ZDHHC15: variants seen among roughly 807,000 people sequenced by gnomAD.
ZDHHC15 encodes the protein palmitoyltransferase ZDHHC15.
Under a neutral mutation model 31.7 loss-of-function variants are expected in ZDHHC15, and 19 were observed. The observed-to-expected ratio is 0.60, with a 90% CI of 0.42 to 0.88. The LOEUF (loss-of-function observed/expected upper bound fraction) is 0.88. Ranked by LOEUF, ZDHHC15 falls within the 40% of genes least tolerant of loss-of-function variation. ZDHHC15 has a pLI of 0.00. For missense variants in ZDHHC15, 209 were observed against 251.2 expected (o/e 0.83, Z 1.14); for synonymous variants, 103 against 90.0 (o/e 1.14, Z -0.82).
At chrX:75,517,985 A>AC (rs1284485810) in intron 1 of ZDHHC15, among the ~76,000 whole-genome samples, 1 of 110,400 alleles carries the variant, frequency 9.1e-6, no homozygotes, top group Non-Finnish European at 1.9e-5. Flanking sequence ...ACAAAAAAAA[A>AC]CAAAAAACAA....
intron 3 of ZDHHC15, among the ~76,000 whole-genome samples, chrX:75,474,797 C>G (rs1165135031): frequency 9.1e-6 from 1 of 110,334 alleles, no homozygotes; most frequent in Non-Finnish European, 1.9e-5. Flanking sequence ...GTGGCTCATG[C>G]CTGTAATCCC....
chrX:75,459,605 C>T (rs1225659965), intron 3 of ZDHHC15, among the ~76,000 whole-genome samples: 1 of 111,303 alleles, frequency 9.0e-6, no homozygotes, highest in Non-Finnish European at 1.9e-5. Flanking sequence ...CTGGGTGGAG[C>T]CTGTCTGTGG....
chrX:75,439,789 G>A (rs1233863629), intron 4 of ZDHHC15, among the ~76,000 whole-genome samples: 1 of 111,275 alleles, frequency 9.0e-6, no homozygotes, highest in Non-Finnish European at 1.9e-5. Flanking sequence ...TCTCATTTGG[G>A]TAGACTATGT....
chrX:75,431,353 T>C (rs1361590887), intron 5 of ZDHHC15, 98 bp downstream of exon 5: 2 of 794,149 alleles, frequency 2.5e-6, no homozygotes, highest in Non-Finnish European at 3.6e-6. Context: ...GGAAATGCTC[T>C]TATCTAGGTA....
intron 9 of ZDHHC15, among the ~76,000 whole-genome samples, chrX:75,419,253 GA>G (rs1219160423): frequency 3.6e-5 from 4 of 111,049 alleles, no homozygotes; most frequent in Non-Finnish European, 5.7e-5. Context: ...AAATTTACAA[GA>G]AAAAAACAAA....
At chrX:75,433,325 G>C (rs773579594) in intron 4 of ZDHHC15, among the ~76,000 whole-genome samples, 6 of 110,662 alleles carry the variant, frequency 5.4e-5, no homozygotes, top group African/African-American at 1.6e-4. Context: ...GGTGGTGTTT[G>C]GTTACATGGA....
intron 10 of ZDHHC15, among the ~76,000 whole-genome samples, chrX:75,393,708 C>T (rs1000103890): frequency 1.8e-5 from 2 of 111,671 alleles, no homozygotes; most frequent in Non-Finnish European, 3.8e-5. Context: ...TCTTCTAGAA[C>T]CACTGCTGGT....
At chrX:75,493,742 C>T (rs1192563659) in intron 2 of ZDHHC15, among the ~76,000 whole-genome samples, 2 of 112,044 alleles carry the variant, frequency 1.8e-5, no homozygotes, top group African/African-American at 3.2e-5. Flanking sequence ...GCCCTTCATG[C>T]TAAAAACTCT....
Position 75,521,738 on chromosome X carries a change from G to C in ZDHHC15, c.136+1151C>G, listed in dbSNP as rs146183253. On this transcript the variant is annotated intron_variant, in intron 1 of 11. Transcript: ENST00000373367. ...TAGAAACCCCAGTAAGAAAGAATGG[G>C]GTTTCCCCAGTTTGAGAAGATGGGA... 2.9e-3 allele frequency among the ~76,000 whole-genome samples: 326 copies of C among 110,935 alleles called. 1 individual carries two copies. The highest frequency in any genetic ancestry group is 9.8e-3 in the African/African-American group (298 of 30,484).
rs187075777 is a variant in ZDHHC15 at position 75,495,412 on chromosome X, C to T, written c.163+10409G>A. Among the ~76,000 whole-genome samples, 771 of 110,965 alleles carry T rather than the reference C, an allele frequency of 6.9e-3. 1 individual carries two copies. The highest frequency in any genetic ancestry group is 0.024 in the South Asian group (62 of 2,580). On this transcript the variant is annotated intron_variant, in intron 2 of 11. Transcript: ENST00000373367. ...TCTAGAACTAGAAATAGCATTTGAC[C>T]CAGCCATCCCATTACTGGGTATATA... is the stretch of plus-strand genomic sequence containing the variant.
chrX:75,373,024 T>C (rs1224090985), intron 11 of ZDHHC15, 79 bp from the exon 12 acceptor site: 7 of 111,522 alleles, frequency 6.3e-5, no homozygotes, highest in Non-Finnish European at 1.3e-4. Context: ...TTGACAATAA[T>C]ATGCAACCAT....
At chrX:75,443,604 A>G (rs919002409) in intron 4 of ZDHHC15, among the ~76,000 whole-genome samples, 1 of 112,363 alleles carries the variant, frequency 8.9e-6, no homozygotes, top group Non-Finnish European at 1.9e-5. Context: ...CACAAAAGCC[A>G]AAATTGACAA....
intron 4 of ZDHHC15, among the ~76,000 whole-genome samples, chrX:75,432,808 C>A (rs1409028010): frequency 9.1e-6 from 1 of 109,973 alleles, no homozygotes; most frequent in Non-Finnish European, 1.9e-5. Flanking sequence ...GAGACCCTGT[C>A]TCTATAAAAA....
At chrX:75,427,529 C>T (rs976879299) in intron 7 of ZDHHC15, among the ~76,000 whole-genome samples, 1 of 111,282 alleles carries the variant, frequency 9.0e-6, no homozygotes, top group South Asian at 3.8e-4. Context: ...AAAGTGGTTC[C>T]TAAACAGTAG....
chrX:75,437,445 C>A (rs1281870439), intron 4 of ZDHHC15, among the ~76,000 whole-genome samples: 12 of 62,544 alleles, frequency 1.9e-4, no homozygotes, highest in Non-Finnish European at 3.1e-4. Flanking sequence ...CCTCCCCCCA[C>A]CCCACAACAG....
At chrX:75,427,539 G>A (rs780969810) in intron 7 of ZDHHC15, among the ~76,000 whole-genome samples, 26 of 111,446 alleles carry the variant, frequency 2.3e-4, no homozygotes, top group African/African-American at 8.1e-4. Flanking sequence ...CTAAACAGTA[G>A]CCTACTGTGT....
intron 4 of ZDHHC15, among the ~76,000 whole-genome samples, chrX:75,435,605 A>AT (rs1295561841): frequency 9.0e-6 from 1 of 111,728 alleles, no homozygotes; most frequent in East Asian, 2.8e-4. Flanking sequence ...TGATCATGTG[A>AT]TTTTTGTTTT....
rs769735959 is a variant in ZDHHC15 at position 75,506,056 on chromosome X, T to A, written c.137-209A>T. ...TACATTCCATCCTTTGCTATCTTCC[T>A]TTGTCTTAAACCTTCAGCAAGGCTT... On this transcript the variant is annotated intron_variant, in intron 1 of 11. Transcript: ENST00000373367. 2.7e-5 allele frequency among the ~76,000 whole-genome samples: 3 copies of A among 112,058 alleles called. No homozygotes were observed. The East Asian group carries it at 8.4e-4, about 31-fold the overall frequency.
intron 4 of ZDHHC15, among the ~76,000 whole-genome samples, chrX:75,436,669 C>T (rs755987729): frequency 4.5e-5 from 5 of 111,922 alleles, no homozygotes; most frequent in Non-Finnish European, 7.5e-5. Context: ...AAGGTGATTT[C>T]CAATTGTATT....
Sources: allele counts gnomAD v4.1 joint callset (sites outside exome capture counted in the v4.1 genomes callset), GRCh38; gene constraint gnomAD v4.1.1; transcripts MANE v1.5; gene names NCBI Gene and HGNC (gene_info 2026-07-23, HGNC 2026-07-21).